Variants in IL34 observed in about 807,000 individuals in gnomAD.
IL34 encodes interleukin-34.
Under a neutral mutation model 25.3 loss-of-function variants are expected in IL34, and 17 were observed. That is an observed-to-expected ratio of 0.67 (90% CI 0.46 to 1.01). IL34 has a LOEUF of 1.01. IL34 is among the 50% of genes least tolerant of loss of function. IL34 has a pLI of 0.00. For synonymous variants in IL34, 174 were observed against 140.9 expected (o/e 1.23, Z -1.66); for missense variants, 368 against 312.9 (o/e 1.18, Z -1.33).
chr16:70,645,265 T>C (rs1403168312), upstream of IL34, among the ~76,000 whole-genome samples: 1 of 152,128 alleles, frequency 6.6e-6, no homozygotes, highest in Non-Finnish European at 1.5e-5. Flanking sequence ...AGGGATTAAC[T>C]TGAACAACCC....
At chr16:70,628,572 C>T (rs997793711) in intron 1 of IL34, among the ~76,000 whole-genome samples, 8 of 151,420 alleles carry the variant, frequency 5.3e-5, no homozygotes, top group East Asian at 1.9e-4. Flanking sequence ...CTGCAATCTC[C>T]GGCTCGCGGG....
intron 1 of IL34, among the ~76,000 whole-genome samples, chr16:70,616,009 T>C (rs575759946): frequency 4.3e-4 from 65 of 152,280 alleles, no homozygotes; most frequent in African/African-American, 1.5e-3. Flanking sequence ...AGATAAAAGC[T>C]TTGCCACCTC....
chr16:70,614,524 G>A (rs942150346), intron 1 of IL34, among the ~76,000 whole-genome samples: 6 of 152,214 alleles, frequency 3.9e-5, no homozygotes, highest in East Asian at 1.9e-4. Flanking sequence ...GATGGGAGCC[G>A]AGGTTTAGCT....
rs905742204 is a variant in IL34, at chr16:70,646,652, G to A, written c.-296G>A. 19 of 419,552 alleles carry A rather than the reference G, an allele frequency of 4.5e-5. No individual in the cohort carries two copies. Among genetic ancestry groups the A allele is most frequent in the Non-Finnish European group, 4.2e-6 (1 of 239,078 alleles). 26.0% of individuals were successfully genotyped at this position (419,552 alleles called of 1,614,324 possible). ...CAGGGACTCTCTCCTCCTGCTCCTTGGAAAGGAAGACCCCGAAAGACCCCC... is the reference window on the plus strand; with the variant it reads ...CAGGGACTCTCTCCTCCTGCTCCTTAGAAAGGAAGACCCCGAAAGACCCCC... On this transcript the variant is annotated 5_prime_UTR_variant, in exon 1 of 6. Transcript: ENST00000288098.
chr16:70,657,295 A>C, intron 4 of IL34, 174 bp downstream of exon 4: 1 of 664,834 alleles, frequency 1.5e-6, no homozygotes, highest in Non-Finnish European at 2.5e-6. Context: ...GGCCTGTGGA[A>C]GGAAGAGGCA....
At chr16:70,620,862 A>T (rs2051266386) in intron 1 of IL34, among the ~76,000 whole-genome samples, 1 of 152,056 alleles carries the variant, frequency 6.6e-6, no homozygotes. Context: ...AAGAGGTTTT[A>T]AGTTTTTGAG....
At chr16:70,641,521 C>T (rs1470339129) in intron 1 of IL34, among the ~76,000 whole-genome samples, 1 of 147,684 alleles carries the variant, frequency 6.8e-6, no homozygotes. Flanking sequence ...CCCTCCCTCC[C>T]TTCCTCCCTC....
intron 1 of IL34, among the ~76,000 whole-genome samples, chr16:70,601,276 T>TA (rs922837407): frequency 4.0e-5 from 6 of 151,574 alleles, no homozygotes; most frequent in South Asian, 2.1e-4. Flanking sequence ...TTAAAAATAA[T>TA]AAAAAAAAAT....
chr16:70,633,667 C>A (rs914199332), intron 1 of IL34, among the ~76,000 whole-genome samples: 2 of 152,112 alleles, frequency 1.3e-5, no homozygotes, highest in African/African-American at 4.8e-5. Flanking sequence ...GAAATGTATT[C>A]TGTCAAAGAT....
intron 1 of IL34, among the ~76,000 whole-genome samples, chr16:70,625,250 A>G (rs2051366254): frequency 6.6e-6 from 1 of 151,842 alleles, no homozygotes; most frequent in Non-Finnish European, 1.5e-5. Flanking sequence ...GCCCATAGTG[A>G]AGGAGGCAAA....
At chr16:70,659,837 C>T in intron 5 of IL34, 84 bp downstream of exon 5, 1 of 1,521,664 alleles carries the variant, frequency 6.6e-7, no homozygotes, top group Non-Finnish European at 8.9e-7. Context: ...AGCTGGCGTC[C>T]TCCCGGGCAT....
upstream of IL34, among the ~76,000 whole-genome samples, chr16:70,642,459 G>T (rs1020977095): frequency 6.6e-6 from 1 of 151,954 alleles, no homozygotes; most frequent in Non-Finnish European, 1.5e-5. Flanking sequence ...CACTGCGCCC[G>T]CCTAATTTTT....
chr16:70,597,824 C>A (rs2050846015), intron 1 of IL34, among the ~76,000 whole-genome samples: 1 of 152,102 alleles, frequency 6.6e-6, no homozygotes, highest in Non-Finnish European at 1.5e-5. Context: ...CCTGGGTGGC[C>A]CAGGCCCTGG....
chr16:70,647,890 G>C (rs2051979726), intron 1 of IL34, among the ~76,000 whole-genome samples: 1 of 152,226 alleles, frequency 6.6e-6, no homozygotes, highest in African/African-American at 2.4e-5. Context: ...GAGAAGCAGG[G>C]GTGCAGCATG....
At chr16:70,621,814 C>T (rs1248971357) in intron 1 of IL34, among the ~76,000 whole-genome samples, 8 of 151,668 alleles carry the variant, frequency 5.3e-5, no homozygotes, top group African/African-American at 1.7e-4. Context: ...GAGTGGGGGT[C>T]GCAAGGTGCT....
intron 1 of IL34, 71 bp from the exon 2 acceptor site, chr16:70,654,467 G>T: frequency 6.6e-7 from 1 of 1,524,340 alleles, no homozygotes; most frequent in Non-Finnish European, 8.9e-7. Context: ...GTTGTGCTCG[G>T]CTTTGCGTGT....
rs370387616 is a variant in IL34 at position 70,646,877 on chromosome 16, C to T, written c.-71C>T. 2.1e-5 allele frequency: 30 copies of T among 1,406,868 alleles called. No individual in the cohort carries two copies. Among genetic ancestry groups the T allele is most frequent in the Middle Eastern group, 1.9e-4 (1 of 5,298 alleles). The allele number at this position is 1,406,868 out of a possible 1,614,324, so 87.1% of individuals were successfully genotyped here. ...TCTGCTGCCCCGAGGCCATGTAGGC[C>T]GTGCTTAGGCCTCTGTGGACACACT... On this transcript the variant is annotated 5_prime_UTR_variant, in exon 1 of 6. Coordinates refer to ENST00000288098, the MANE Select transcript of IL34 (RefSeq NM_001393494.1).
chr16:70,612,499 A>C (rs2051105994), intron 1 of IL34, among the ~76,000 whole-genome samples: 1 of 152,186 alleles, frequency 6.6e-6, no homozygotes. Flanking sequence ...TACTCCAGAG[A>C]CTTTAGTTTC....
chr16:70,609,929 C>T (rs995081151), intron 1 of IL34, among the ~76,000 whole-genome samples: 1 of 152,184 alleles, frequency 6.6e-6, no homozygotes, highest in Non-Finnish European at 1.5e-5. Context: ...TCAGGCTGGA[C>T]GTGGTGGCTC....
Sources: gnomAD v4.1 joint callset for allele counts (sites outside exome capture counted in the v4.1 genomes callset) on GRCh38, gnomAD v4.1.1 for gene constraint, MANE v1.5 for transcripts, NCBI Gene and HGNC (gene_info 2026-07-23, HGNC 2026-07-21) for gene names.